Variants in RERE observed in about 807,000 individuals in gnomAD.
RERE encodes the protein arginine-glutamic acid dipeptide repeats, also known as arginine-glutamic acid dipeptide repeats protein.
RERE carries 40 observed loss-of-function variants against 146.1 expected under a neutral mutation model. That is an observed-to-expected ratio of 0.27 (90% CI 0.21 to 0.36). RERE has a LOEUF of 0.36. RERE is among the 10% of genes least tolerant of loss of function. The probability of loss-of-function intolerance (pLI) is 1.00; values close to 1 mark genes in which losing one functional copy is unlikely to be tolerated. For missense variants in RERE, 1,933 were observed against 2,138.7 expected, an observed-to-expected ratio of 0.90 and a Z score of 1.90; for synonymous variants, 1,003 against 866.0, an observed-to-expected ratio of 1.16 and a Z score of -2.78.
chr1:8,448,425 T>G (rs893340304), intron 11 of RERE, among the ~76,000 whole-genome samples: 44 of 151,752 alleles, frequency 2.9e-4, no homozygotes, highest in Non-Finnish European at 5.4e-4. Flanking sequence ...GATGAAGAGT[T>G]ATCTGAAAAA....
chr1:8,376,182 G>A (rs1642243467), intron 12 of RERE, among the ~76,000 whole-genome samples: 1 of 152,142 alleles, frequency 6.6e-6, no homozygotes, highest in Non-Finnish European at 1.5e-5. Context: ...TTTTAAGTGA[G>A]GGGGGCAAAT....
intron 1 of RERE, among the ~76,000 whole-genome samples, chr1:8,812,617 G>A (rs900056015): frequency 4.6e-5 from 7 of 152,080 alleles, no homozygotes; most frequent in African/African-American, 1.7e-4. Context: ...TCGCACTCCA[G>A]CCTGGGTGAC....
In RERE at chr1:8,529,438, C is replaced by T. The variant is rs1054659813; in HGVS notation, c.830+11776G>A. On this transcript the variant is annotated intron_variant, in intron 7 of 22. Transcript: ENST00000400908. ...CCGAGTAGCTGGGACTACAGGTGCC[C>T]GCCACTACACCCAACTAAATTTTTT... Among the ~76,000 whole-genome samples, 85 of 149,562 alleles carry T rather than the reference C, an allele frequency of 5.7e-4. 1 individual carries two copies. The highest frequency in any genetic ancestry group is 6.1e-4 in the Non-Finnish European group (41 of 67,602).
chr1:8,686,368 G>C (rs1639086610), intron 1 of RERE, among the ~76,000 whole-genome samples: 1 of 152,202 alleles, frequency 6.6e-6, no homozygotes, highest in African/African-American at 2.4e-5. Flanking sequence ...ATTATGTGCT[G>C]GAGATAGAGC....
rs532306553 is a variant in RERE at position 8,497,764 on chromosome 1, A to T, written c.880-235T>A. On this transcript the variant is annotated intron_variant, in intron 8 of 22. Coordinates refer to ENST00000400908, the MANE Select transcript of RERE (RefSeq NM_001042681.2). ...CTTAATATCTGCTTAACAGTGTCAA[A>T]GTAAACCAGTGCCAGCATGATACCA... Among the ~76,000 whole-genome samples the T allele has an allele frequency of 7.9e-5, 12 of 152,360 alleles. No homozygotes were observed. The East Asian group carries it at 2.3e-3, about 29-fold the overall frequency.
intron 1 of RERE, among the ~76,000 whole-genome samples, chr1:8,789,137 T>C (rs1021806105): frequency 5.3e-5 from 8 of 150,562 alleles, no homozygotes; most frequent in Non-Finnish European, 1.2e-4. Flanking sequence ...TTTGGTAAAA[T>C]TTATCTTGTA....
intron 2 of RERE, among the ~76,000 whole-genome samples, chr1:8,653,196 CAT>C (rs1647718587): frequency 6.6e-6 from 1 of 152,126 alleles, no homozygotes; most frequent in African/African-American, 2.4e-5. Flanking sequence ...ATTTTCCACA[CAT>C]ATTTGACTAC....
intron 1 of RERE, among the ~76,000 whole-genome samples, chr1:8,791,815 T>C (rs1641368641): frequency 6.6e-6 from 1 of 151,462 alleles, no homozygotes; most frequent in African/African-American, 2.5e-5. Flanking sequence ...CTATAACTCT[T>C]TAAGAGTCAA....
At chr1:8,483,877 T>C (rs1161788044) in intron 10 of RERE, among the ~76,000 whole-genome samples, 1 of 152,172 alleles carries the variant, frequency 6.6e-6, no homozygotes, top group Non-Finnish European at 1.5e-5. Flanking sequence ...TCTCAGGGAA[T>C]AAAACTGTCC....
At chr1:8,658,976 A>G (rs530916921) in intron 1 of RERE, among the ~76,000 whole-genome samples, 1 of 152,224 alleles carries the variant, frequency 6.6e-6, no homozygotes, top group South Asian at 2.1e-4. Flanking sequence ...ATGCATCATA[A>G]GCTACATTAG....
At chr1:8,439,317 T>A (rs1400164571) in intron 11 of RERE, among the ~76,000 whole-genome samples, 1 of 152,180 alleles carries the variant, frequency 6.6e-6, no homozygotes, top group Non-Finnish European at 1.5e-5. Context: ...GAGGCCCAGA[T>A]CCTACAGTGT....
At chr1:8,392,557 A>C (rs1019773844) in intron 12 of RERE, among the ~76,000 whole-genome samples, 2 of 152,130 alleles carry the variant, frequency 1.3e-5, no homozygotes, top group Non-Finnish European at 2.9e-5. Context: ...TATCAACCAT[A>C]AACACCCACT....
intron 12 of RERE, among the ~76,000 whole-genome samples, chr1:8,367,214 A>G (rs1029652867): frequency 3.3e-5 from 5 of 152,232 alleles, no homozygotes; most frequent in African/African-American, 1.2e-4. Flanking sequence ...CCACATGACA[A>G]ACTCACCCAT....
At chr1:8,425,373 GCATA>G (rs1643996996) in intron 11 of RERE, among the ~76,000 whole-genome samples, 1 of 152,186 alleles carries the variant, frequency 6.6e-6, no homozygotes, top group South Asian at 2.1e-4. Context: ...ATCTGGCCAA[GCATA>G]AAGAAGTGAG....
At chr1:8,357,169 C>T (rs1411962168) in intron 20 of RERE, among the ~76,000 whole-genome samples, 3 of 152,222 alleles carry the variant, frequency 2.0e-5, no homozygotes, top group Admixed American at 6.5e-5. Context: ...TAAATGTGGA[C>T]AGGGGTTCTG....
At chr1:8,717,336 A>G (rs1639784224) in intron 1 of RERE, among the ~76,000 whole-genome samples, 1 of 152,222 alleles carries the variant, frequency 6.6e-6, no homozygotes, top group Non-Finnish European at 1.5e-5. Flanking sequence ...TTTCTCAAAC[A>G]CAATAACGCC....
At chr1:8,616,062 A>C (rs1216924952) in intron 3 of RERE, among the ~76,000 whole-genome samples, 1 of 152,196 alleles carries the variant, frequency 6.6e-6, no homozygotes, top group East Asian at 1.9e-4. Context: ...TCAATTGTGC[A>C]CTTGAATGTA....
chr1:8,629,666 G>A (rs755493445), intron 2 of RERE, among the ~76,000 whole-genome samples: 6 of 152,160 alleles, frequency 3.9e-5, no homozygotes, highest in Non-Finnish European at 8.8e-5. Flanking sequence ...CTACAGAGCA[G>A]AGTGGACACT....
At chr1:8,516,227 G>GAAAAAAAAAAGAAA (rs1645414209) in intron 7 of RERE, among the ~76,000 whole-genome samples, 1 of 52,304 alleles carries the variant, frequency 1.9e-5, no homozygotes, top group African/African-American at 8.6e-5. Flanking sequence ...TCTCTCAGAG[G>GAAAAAAAAAAGAAA]AAAAAAAAAA....
Sources: gnomAD v4.1 joint callset for allele counts (sites outside exome capture counted in the v4.1 genomes callset) on GRCh38, gnomAD v4.1.1 for gene constraint, MANE v1.5 for transcripts, NCBI Gene and HGNC (gene_info 2026-07-23, HGNC 2026-07-21) for gene names.